The following PTK2 variants were observed in gnomAD, a reference collection of about 807,000 sequenced individuals.
PTK2 encodes the protein protein tyrosine kinase 2.
PTK2 carries 45 observed loss-of-function variants against 150.1 expected under a neutral mutation model. The observed-to-expected ratio is 0.30, with a 90% CI of 0.24 to 0.38. The LOEUF (loss-of-function observed/expected upper bound fraction) is 0.38. Among genes scored for constraint, PTK2 ranks in the 10% least tolerant of loss-of-function variants. The pLI is 1.00. For missense variants in PTK2, 919 were observed against 1,307.3 expected (o/e 0.70, Z 4.58); for synonymous variants, 432 against 449.2 (o/e 0.96, Z 0.48).
chr8:140,862,720 G>C (rs996360032), intron 5 of PTK2, among the ~76,000 whole-genome samples: 1 of 152,132 alleles, frequency 6.6e-6, no homozygotes. Flanking sequence ...TCATAGGAGC[G>C]CAAACCCTGT....
chr8:140,992,205 T>C (rs1001163986), intron 1 of PTK2, among the ~76,000 whole-genome samples: 1 of 151,138 alleles, frequency 6.6e-6, no homozygotes, highest in Non-Finnish European at 1.5e-5. Context: ...GGCAGGAGAA[T>C]TGCTTGAACC....
At chr8:140,961,608 G>A (rs2100183219) in intron 1 of PTK2, among the ~76,000 whole-genome samples, 1 of 151,686 alleles carries the variant, frequency 6.6e-6, no homozygotes, top group Admixed American at 6.6e-5. Context: ...GTTGCAGTGA[G>A]CCAAGGTCGC....
intron 10 of PTK2, among the ~76,000 whole-genome samples, chr8:140,813,186 CAG>C (rs2100102619): frequency 6.6e-6 from 1 of 152,214 alleles, no homozygotes; most frequent in Non-Finnish European, 1.5e-5. Context: ...ACCATTCCCT[CAG>C]AGCACAGCAT....
chr8:140,746,646 T>A, intron 18 of PTK2, 114 bp downstream of exon 21: 1 of 708,486 alleles, frequency 1.4e-6, no homozygotes, highest in East Asian at 2.8e-5. Context: ...ATGACATACA[T>A]CCTAAATCAG....
At chr8:140,995,381 C>CAAAAAAAAAA (rs34527935) in intron 1 of PTK2, among the ~76,000 whole-genome samples, 1 of 92,380 alleles carries the variant, frequency 1.1e-5, no homozygotes, top group African/African-American at 4.1e-5. Flanking sequence ...GACTCCGTCT[C>CAAAAAAAAAA]AAAAAAAAAA....
intron 1 of PTK2, among the ~76,000 whole-genome samples, chr8:140,969,600 C>T (rs973414765): frequency 3.3e-5 from 5 of 152,192 alleles, no homozygotes; most frequent in Admixed American, 6.5e-5. Context: ...TTTCTTCTTA[C>T]CTCACAGGTG....
intron 7 of PTK2, among the ~76,000 whole-genome samples, chr8:140,833,547 G>C (rs965520554): frequency 6.6e-5 from 10 of 152,078 alleles, no homozygotes; most frequent in African/African-American, 2.4e-4. Flanking sequence ...ATATGAGGTC[G>C]CCTCTCTCCA....
intron 2 of PTK2, among the ~76,000 whole-genome samples, chr8:140,920,584 G>A (rs1249678309): frequency 1.3e-5 from 2 of 152,144 alleles, no homozygotes; most frequent in East Asian, 3.9e-4. Flanking sequence ...TTAAAAGATA[G>A]CTTAATGCAC....
At chr8:140,790,348 T>C (rs924024596) in intron 13 of PTK2, among the ~76,000 whole-genome samples, 1 of 152,238 alleles carries the variant, frequency 6.6e-6, no homozygotes, top group Non-Finnish European at 1.5e-5. Flanking sequence ...TGTCTGCATA[T>C]ACAAAATGAG....
At chr8:140,893,104 G>A (rs866421247) in intron 2 of PTK2, among the ~76,000 whole-genome samples, 12 of 152,144 alleles carry the variant, frequency 7.9e-5, no homozygotes, top group Admixed American at 6.5e-5. Context: ...GAGGCAGGAG[G>A]ACTGCTTGAG....
chr8:140,880,061 A>C (rs892188028), intron 3 of PTK2, among the ~76,000 whole-genome samples: 3 of 152,210 alleles, frequency 2.0e-5, no homozygotes, highest in Non-Finnish European at 2.9e-5. Flanking sequence ...GGGAGATCAT[A>C]CTGTTCAAGA....
chr8:140,826,949 C>G (rs938710058), intron 8 of PTK2, among the ~76,000 whole-genome samples: 14 of 151,812 alleles, frequency 9.2e-5, no homozygotes, highest in African/African-American at 3.4e-4. Context: ...TTCTCAAGTC[C>G]CTCTAGTCAT....
At chr8:140,951,409 T>C (rs2100179508) in intron 1 of PTK2, among the ~76,000 whole-genome samples, 1 of 152,152 alleles carries the variant, frequency 6.6e-6, no homozygotes, top group South Asian at 2.1e-4. Flanking sequence ...CAGCATTACA[T>C]CATGAAATTC....
intron 8 of PTK2, 101 bp downstream of exon 8, chr8:140,830,371 G>A (rs2100114667): frequency 1.4e-6 from 1 of 711,016 alleles, no homozygotes; most frequent in African/African-American, 1.9e-5. Context: ...TACATGTAAG[G>A]AAGGAAACTA....
intron 1 of PTK2, among the ~76,000 whole-genome samples, chr8:140,932,366 C>G (rs916693621): frequency 1.3e-5 from 2 of 152,070 alleles, no homozygotes; most frequent in Non-Finnish European, 2.9e-5. Context: ...AGGCGCCCAC[C>G]ACCACACCCA....
chr8:140,985,656 C>A (rs905223267), intron 1 of PTK2, among the ~76,000 whole-genome samples: 6 of 152,158 alleles, frequency 3.9e-5, no homozygotes, highest in Non-Finnish European at 7.4e-5. Flanking sequence ...GCTGTGACAC[C>A]CCCGCCAGAA....
At chr8:140,934,722 A>C (rs1001641419) in intron 1 of PTK2, 2 of 152,218 alleles carry the variant, frequency 1.3e-5, no homozygotes, top group African/African-American at 4.8e-5. Flanking sequence ...TTAAACAAGT[A>C]GTGTTTATCA....
At chr8:140,874,329 A>C (rs913484044) in intron 4 of PTK2, among the ~76,000 whole-genome samples, 2 of 152,194 alleles carry the variant, frequency 1.3e-5, no homozygotes, top group Admixed American at 1.3e-4. Context: ...ACAAAAGAAC[A>C]AGCTATGTCC....
intron 1 of PTK2, among the ~76,000 whole-genome samples, chr8:140,987,871 C>T (rs557433183): frequency 1.1e-3 from 169 of 152,136 alleles, no homozygotes; most frequent in African/African-American, 3.9e-3. Flanking sequence ...GACTAGACCT[C>T]GTCTCTACAA....
Sources: allele counts gnomAD v4.1 joint callset (sites outside exome capture counted in the v4.1 genomes callset), GRCh38; gene constraint gnomAD v4.1.1; transcripts MANE v1.5; gene names NCBI Gene and HGNC (gene_info 2026-07-23, HGNC 2026-07-21).